Variants in CNKSR2 observed in about 807,000 individuals in gnomAD.
CNKSR2 encodes CNK homolog protein 2.
Under a neutral mutation model 84.4 loss-of-function variants are expected in CNKSR2, and 14 were observed. That is an observed-to-expected ratio of 0.17 (90% CI 0.11 to 0.26). The LOEUF (loss-of-function observed/expected upper bound fraction) is 0.26. Among genes scored for constraint, CNKSR2 ranks in the 10% least tolerant of loss-of-function variants. CNKSR2 has a pLI of 1.00. For missense variants in CNKSR2, 485 were observed against 771.2 expected, an observed-to-expected ratio of 0.63 and a Z score of 4.40; for synonymous variants, 275 against 277.9, an observed-to-expected ratio of 0.99 and a Z score of 0.10.
At chrX:21,561,122 GT>G (rs1429820834) in intron 11 of CNKSR2, among the ~76,000 whole-genome samples, 2 of 105,357 alleles carry the variant, frequency 1.9e-5, no homozygotes, top group Non-Finnish European at 3.9e-5. Context: ...ACACTTGGAT[GT>G]TAGGAAATAA....
intron 11 of CNKSR2, among the ~76,000 whole-genome samples, chrX:21,560,050 A>G (rs2092173842): frequency 9.0e-6 from 1 of 111,533 alleles, no homozygotes; most frequent in Non-Finnish European, 1.9e-5. Context: ...TTAGCTGGGC[A>G]AGGAGGGAAG....
At chrX:21,404,817 A>G (rs974219758) in intron 1 of CNKSR2, among the ~76,000 whole-genome samples, 8 of 106,491 alleles carry the variant, frequency 7.5e-5, no homozygotes, top group Non-Finnish European at 1.4e-4. Context: ...AAAAAAGTAC[A>G]ATATAAAGTA....
At position 21,546,250 on chromosome X, in the gene CNKSR2, C is replaced by T. The variant is rs751051341; in HGVS notation, c.1303+14183C>T. ...TAAATGACCTGATGGAGCTGAAAAACACAACATGAGAACTTCGTGAAGCAT... is the reference window on the plus strand; with the variant it reads ...TAAATGACCTGATGGAGCTGAAAAATACAACATGAGAACTTCGTGAAGCAT... On this transcript the variant is annotated intron_variant, in intron 11 of 21. Coordinates refer to ENST00000379510, the MANE Select transcript of CNKSR2 (RefSeq NM_014927.5). Among the ~76,000 whole-genome samples the T allele has an allele frequency of 3.7e-5, 4 of 108,888 alleles. No individual in the cohort carries two copies. In the South Asian group the frequency reaches 1.6e-3, roughly 44 times the overall value. 94.6% of individuals were successfully genotyped at this position (108,888 alleles called of 115,157 possible).
In CNKSR2 at chrX:21,563,332, A is replaced by T. The variant is rs1474026579; in HGVS notation, c.1488A>T (p.Ser496=). The T allele has an allele frequency of 2.5e-6, 3 of 1,208,330 alleles. No homozygotes were observed. In the Admixed American group the frequency reaches 6.6e-5, roughly 26 times the overall value. The change falls in exon 13 of 22, where the codon TCA becomes TCT. Residue 496 remains serine (S), a synonymous_variant. Coordinates refer to ENST00000379510, the MANE Select transcript of CNKSR2 (RefSeq NM_014927.5). ...GCAAAAAGGACACAGGGAAGAAGTC[A>T]AAAAAGAAGGGTGATAAGAGTAATA... ...RNSKKDTGKK[S]KKKGDKSNSP... is the part of the protein sequence containing the mutation.
At chrX:21,606,599 T>C (rs745775877) in intron 18 of CNKSR2, 180 bp from the exon 19 acceptor site, 9 of 354,117 alleles carry the variant, frequency 2.5e-5, no homozygotes, top group African/African-American at 2.4e-4. Context: ...GTACACTTAC[T>C]TTCTCCTCAA....
chrX:21,590,661 C>G (rs1456816850), intron 14 of CNKSR2, 41 bp downstream of exon 14: 1 of 1,148,865 alleles, frequency 8.7e-7, no homozygotes, highest in Non-Finnish European at 1.2e-6. Flanking sequence ...TTATTTTGCT[C>G]TTTGATAATC....
At chrX:21,556,594 G>C (rs759124826) in intron 11 of CNKSR2, among the ~76,000 whole-genome samples, 2 of 110,819 alleles carry the variant, frequency 1.8e-5, no homozygotes, top group South Asian at 7.7e-4. Flanking sequence ...GTAGTACTCG[G>C]TGCTAATGCT....
intron 20 of CNKSR2, among the ~76,000 whole-genome samples, chrX:21,629,101 A>G (rs1353956365): frequency 8.9e-6 from 1 of 112,511 alleles, no homozygotes; most frequent in East Asian, 2.8e-4. Flanking sequence ...GGCAGGGGCA[A>G]AATGCCCACC....
intron 15 of CNKSR2, 106 bp downstream of exon 15, chrX:21,591,300 C>T: frequency 1.7e-6 from 1 of 587,005 alleles, no homozygotes; most frequent in Non-Finnish European, 2.6e-6. Flanking sequence ...AAGGCCAATT[C>T]AGTAGACTTC....
chrX:21,485,025 T>A (rs987268504), intron 5 of CNKSR2, among the ~76,000 whole-genome samples: 4 of 110,519 alleles, frequency 3.6e-5, no homozygotes, highest in Non-Finnish European at 7.6e-5. Context: ...CTACTAAAAA[T>A]ACAAAAAATT....
At chrX:21,435,057 C>T (rs2090685589) in intron 3 of CNKSR2, among the ~76,000 whole-genome samples, 2 of 108,017 alleles carry the variant, frequency 1.9e-5, no homozygotes, top group African/African-American at 6.7e-5. Context: ...GTTTTGAATG[C>T]TGACTAATTC....
intron 1 of CNKSR2, among the ~76,000 whole-genome samples, chrX:21,383,048 A>G (rs1009044235): frequency 1.8e-5 from 2 of 111,987 alleles, no homozygotes; most frequent in African/African-American, 6.5e-5. Flanking sequence ...TCATTAAAAT[A>G]CAAATCAGAG....
intron 5 of CNKSR2, among the ~76,000 whole-genome samples, chrX:21,485,634 A>T (rs1274215196): frequency 8.9e-6 from 1 of 111,734 alleles, no homozygotes; most frequent in Admixed American, 9.6e-5. Context: ...CAGTTTTAAA[A>T]GATTAAGTCA....
At chrX:21,606,357 G>A (rs993877267) in intron 18 of CNKSR2, among the ~76,000 whole-genome samples, 1 of 111,783 alleles carries the variant, frequency 8.9e-6, no homozygotes, top group African/African-American at 3.3e-5. Context: ...TATCTGTAGA[G>A]ATCTACAGCA....
At chrX:21,435,121 A>G (rs1053200285) in intron 3 of CNKSR2, among the ~76,000 whole-genome samples, 8 of 109,230 alleles carry the variant, frequency 7.3e-5, no homozygotes, top group Non-Finnish European at 1.3e-4. Context: ...ACATTTTGCT[A>G]TTTCTCTTCA....
chrX:21,397,845 ACT>A (rs2090139802), intron 1 of CNKSR2, among the ~76,000 whole-genome samples: 1 of 111,637 alleles, frequency 9.0e-6, no homozygotes, highest in Non-Finnish European at 1.9e-5. Context: ...TCGAAATATC[ACT>A]CTGTAGCCCA....
intron 13 of CNKSR2, among the ~76,000 whole-genome samples, chrX:21,568,351 C>T (rs73203344): frequency 0.037 from 4,154 of 111,390 alleles, 81 homozygotes; most frequent in Non-Finnish European, 0.059. Context: ...GATGCCAGAA[C>T]AAGTAAAATT....
chrX:21,445,251 A>G (rs188756360), intron 4 of CNKSR2, among the ~76,000 whole-genome samples: 5 of 111,430 alleles, frequency 4.5e-5, no homozygotes, highest in Non-Finnish European at 5.7e-5. Context: ...AATATGGATT[A>G]TATTAGCATA....
intron 1 of CNKSR2, among the ~76,000 whole-genome samples, chrX:21,393,923 T>G (rs1433878442): frequency 8.9e-6 from 1 of 112,247 alleles, no homozygotes; most frequent in Non-Finnish European, 1.9e-5. Context: ...ATCTCTAGAT[T>G]TCATACAGAT....
Sources: allele counts gnomAD v4.1 joint callset (sites outside exome capture counted in the v4.1 genomes callset), GRCh38; gene constraint gnomAD v4.1.1; transcripts MANE v1.5; gene names NCBI Gene and HGNC (gene_info 2026-07-23, HGNC 2026-07-21).